Variants in FNDC3A observed in about 807,000 individuals in gnomAD.
The protein encoded by FNDC3A is fibronectin type III domain containing 3A.
A neutral mutation model predicts 148.9 loss-of-function variants in FNDC3A; 32 were observed. The ratio of observed to expected loss-of-function variants is 0.21; its 90% CI spans 0.16 to 0.29. The LOEUF (loss-of-function observed/expected upper bound fraction) is 0.29, where lower values mean the gene tolerates loss of function less well. Among genes scored for constraint, FNDC3A ranks in the 10% least tolerant of loss-of-function variants. The pLI is 1.00. For missense variants in FNDC3A, 1,191 were observed against 1,452.8 expected (o/e 0.82, Z 2.93); for synonymous variants, 472 against 473.6 (o/e 1.00, Z 0.04).
At chr13:49,030,556 G>T (rs1047028806) in intron 2 of FNDC3A, among the ~76,000 whole-genome samples, 2 of 152,130 alleles carry the variant, frequency 1.3e-5, no homozygotes, top group African/African-American at 4.8e-5. Context: ...AGGCCTCCAG[G>T]TTGGAAAAGG....
intron 7 of FNDC3A, among the ~76,000 whole-genome samples, chr13:49,143,978 TTACTACTACTACTACTAC>T (rs71188348): frequency 2.7e-4 from 37 of 138,938 alleles, no homozygotes; most frequent in African/African-American, 9.1e-4. Flanking sequence ...GACCCCATCT[TTACTACTACTACTACTAC>T]TACTACTACT....
At chr13:49,056,267 C>T (rs1176336013) in intron 2 of FNDC3A, among the ~76,000 whole-genome samples, 4 of 152,062 alleles carry the variant, frequency 2.6e-5, no homozygotes, top group African/African-American at 4.8e-5. Flanking sequence ...ATCCTCCTGC[C>T]TCAGCCTTCC....
intron 3 of FNDC3A, among the ~76,000 whole-genome samples, chr13:49,106,773 CAA>C (rs543962565): frequency 5.0e-5 from 4 of 79,876 alleles, no homozygotes; most frequent in Non-Finnish European, 9.0e-5. Flanking sequence ...TGAATGAAAG[CAA>C]AAAAAAAAAA....
At chr13:49,027,788 G>A (rs575183281) in intron 2 of FNDC3A, among the ~76,000 whole-genome samples, 1 of 152,042 alleles carries the variant, frequency 6.6e-6, no homozygotes, top group South Asian at 2.1e-4. Flanking sequence ...AGGAATTGAG[G>A]AACAAAAAAG....
intron 8 of FNDC3A, among the ~76,000 whole-genome samples, chr13:49,165,292 C>T (rs540812873): frequency 6.9e-4 from 105 of 152,212 alleles, no homozygotes; most frequent in African/African-American, 2.3e-3. Context: ...GTATAGCAGT[C>T]ACTTCTTTCA....
intron 19 of FNDC3A, 63 bp downstream of exon 19, chr13:49,191,447 T>A: frequency 7.5e-7 from 1 of 1,329,020 alleles, no homozygotes; most frequent in Non-Finnish European, 1.0e-6. Context: ...TTTTAACATA[T>A]ATCATCATAT....
chr13:49,173,661 T>TA (rs1884878590), intron 11 of FNDC3A, among the ~76,000 whole-genome samples: 1 of 152,186 alleles, frequency 6.6e-6, no homozygotes, highest in Admixed American at 6.5e-5. Context: ...TTAGAGATGA[T>TA]ATGATTTTCT....
chr13:49,145,766 G>A lies in FNDC3A; in HGVS notation c.820-12G>A, dbSNP rs1882956848. 4 of 1,612,236 alleles carry A rather than the reference G, an allele frequency of 2.5e-6. No individual in the cohort carries two copies. The South Asian group carries it at 3.3e-5, about 13-fold the overall frequency. ...TTGTTTTAAAGAACTTTTAAATGTT[G>A]TATTTTTACAGGCCTCCGACATCCA... On this transcript the variant is annotated splice_polypyrimidine_tract_variant and intron_variant, in intron 7 of 25. Coordinates refer to ENST00000492622, the MANE Select transcript of FNDC3A (RefSeq NM_001079673.2).
chr13:49,006,817 A>C (rs1952230272), intron 2 of FNDC3A, among the ~76,000 whole-genome samples: 1 of 152,018 alleles, frequency 6.6e-6, no homozygotes, highest in Non-Finnish European at 1.5e-5. Flanking sequence ...AGGAATAATA[A>C]GCTTTCACAA....
intron 25 of FNDC3A, among the ~76,000 whole-genome samples, chr13:49,204,690 T>A (rs1886568518): frequency 6.6e-6 from 1 of 152,220 alleles, no homozygotes; most frequent in Non-Finnish European, 1.5e-5. Context: ...AGTATATGAA[T>A]AACCTTAAGG....
intron 2 of FNDC3A, among the ~76,000 whole-genome samples, chr13:49,019,093 C>G (rs9591232): frequency 6.6e-6 from 1 of 152,240 alleles, no homozygotes; most frequent in Admixed American, 6.5e-5. Context: ...GAGCCTACAG[C>G]GGCAGGCAGG....
At chr13:49,084,249 C>A (rs1878664519) in intron 3 of FNDC3A, among the ~76,000 whole-genome samples, 1 of 152,120 alleles carries the variant, frequency 6.6e-6, no homozygotes, top group Non-Finnish European at 1.5e-5. Context: ...GTTTCTTTAA[C>A]AACAGAAATT....
chr13:49,038,006 G>A (rs1874628105), intron 2 of FNDC3A, among the ~76,000 whole-genome samples: 1 of 152,172 alleles, frequency 6.6e-6, no homozygotes, highest in Non-Finnish European at 1.5e-5. Flanking sequence ...GGTAGAAGTG[G>A]CTCTCAGCAG....
intron 3 of FNDC3A, among the ~76,000 whole-genome samples, chr13:49,107,399 A>G (rs1318846355): frequency 6.6e-6 from 1 of 152,168 alleles, no homozygotes; most frequent in Non-Finnish European, 1.5e-5. Flanking sequence ...TGCATGGTTT[A>G]TGTGTGAAAC....
intron 17 of FNDC3A, among the ~76,000 whole-genome samples, chr13:49,189,814 A>C (rs1275158472): frequency 6.7e-6 from 1 of 148,672 alleles, no homozygotes; most frequent in Non-Finnish European, 1.5e-5. Context: ...AAGATGACCA[A>C]ATATTTTGTG....
At chr13:49,132,638 T>C (rs1882102930) in intron 5 of FNDC3A, among the ~76,000 whole-genome samples, 1 of 152,242 alleles carries the variant, frequency 6.6e-6, no homozygotes, top group Non-Finnish European at 1.5e-5. Flanking sequence ...TCTTGCAATG[T>C]TCTGCCCTGT....
chr13:49,186,041 C>T lies in FNDC3A; in HGVS notation c.1695C>T (p.Gly565=). The T allele has an allele frequency of 6.2e-7, 1 of 1,612,420 alleles. No homozygotes were observed. The highest frequency in any genetic ancestry group is 1.3e-5 in the African/African-American group (1 of 75,002). ...TTACTACTTGCCCTGATAAACCAGG[C>T]ATACCTGTAAAGCCTTCAGTGAAAG... is the stretch of plus-strand genomic sequence containing the variant. ...VEFTTCPDKP[G]IPVKPSVKGK... The change falls in exon 15 of 26, where the codon GGC becomes GGT. Residue 565 remains glycine, a synonymous_variant. Coordinates refer to ENST00000492622, the MANE Select transcript of FNDC3A (RefSeq NM_001079673.2).
intron 8 of FNDC3A, among the ~76,000 whole-genome samples, chr13:49,147,282 C>T (rs1261607200): frequency 6.6e-6 from 1 of 151,992 alleles, no homozygotes; most frequent in Admixed American, 6.6e-5. Context: ...CCAGGGAGCA[C>T]GAGGGGGGCA....
At chr13:49,200,654 C>T (rs1183599194) in intron 23 of FNDC3A, among the ~76,000 whole-genome samples, 1 of 152,014 alleles carries the variant, frequency 6.6e-6, no homozygotes, top group Non-Finnish European at 1.5e-5. Flanking sequence ...TATTATAGAA[C>T]TTCCAACTTA....
Sources: gnomAD v4.1 joint callset for allele counts (sites outside exome capture counted in the v4.1 genomes callset) on GRCh38, gnomAD v4.1.1 for gene constraint, MANE v1.5 for transcripts, NCBI Gene and HGNC (gene_info 2026-07-23, HGNC 2026-07-21) for gene names.